ITGA10: variants seen among roughly 807,000 people sequenced by gnomAD.
ITGA10 encodes the protein integrin alpha-10.
ITGA10 carries 105 observed loss-of-function variants against 145.2 expected under a neutral mutation model. The observed-to-expected ratio is 0.72, with a 90% CI of 0.62 to 0.85. ITGA10 has a LOEUF of 0.85. ITGA10 is among the 40% of genes least tolerant of loss of function. The pLI is 0.00. For synonymous variants in ITGA10, 506 were observed against 557.8 expected (o/e 0.91, Z 1.31); for missense variants, 1,317 against 1,444.5 (o/e 0.91, Z 1.43).
At chr1:145,909,491 AATATATAATT>A (rs1266916395) in intron 1 of ITGA10, among the ~76,000 whole-genome samples, 2 of 132,672 alleles carry the variant, frequency 1.5e-5, no homozygotes, top group African/African-American at 6.1e-5. Flanking sequence ...TATTATATAT[AATATATAATT>A]ATGTTATATA....
chr1:145,904,644 C>T (rs1553750461), intron 6 of ITGA10, 40 bp downstream of exon 6: 5 of 1,609,766 alleles, frequency 3.1e-6, no homozygotes, highest in African/African-American at 2.7e-5. Flanking sequence ...TAAGTAGGTG[C>T]CACAAGCAAC....
intron 2 of ITGA10, 32 bp from the exon 3 acceptor site, chr1:145,907,182 A>T: frequency 6.4e-7 from 1 of 1,559,634 alleles, no homozygotes; most frequent in Non-Finnish European, 8.7e-7. Context: ...AAGTAAGCAC[A>T]GGGCAAACAT....
chr1:145,901,653 A>T lies in ITGA10; in HGVS notation c.1306T>A (p.Ser436Thr). 2.5e-6 allele frequency: 4 copies of T among 1,573,390 alleles called. No homozygotes were observed. The highest frequency in any genetic ancestry group is 3.4e-6 in the Non-Finnish European group (4 of 1,162,142). ...NHAAYLGYSV[S>T]SMLLRGGRRL... Reference sequence around the variant, plus strand: ...CGTCCACCCCGCAAAAGCATGGAAGAAACAGAGTAACCTAGAAGTGGGCAA... The same window carrying T: ...CGTCCACCCCGCAAAAGCATGGAAGTAACAGAGTAACCTAGAAGTGGGCAA... Residue 436 changes from serine to threonine, a missense_variant, in exon 12 of 30, where the codon TCT becomes ACT. Transcript: ENST00000369304. The surrounding 1 kb of genome is among the most constrained non-coding windows in gnomAD (Gnocchi z 4.3).
In ITGA10 at chr1:145,895,686, G is replaced by A. The variant is rs1655287904; in HGVS notation, c.3059C>T (p.Thr1020Ile). The part of the protein sequence containing the change: ...NNASCIVQNL[T>I]EPPGPPVHPE... ...ATGCACAGGTGGGCCTGGGGGTTCA[G>A]TCAGGTTCTGCACTATGCAGCTTGC... Residue 1020 changes from threonine to isoleucine, a missense_variant, in exon 26 of 30, where the codon ACT (threonine) becomes ATT (isoleucine). Transcript: ENST00000369304. 6.2e-7 allele frequency: 1 copy of A among 1,614,254 alleles called. No homozygotes were observed. Among genetic ancestry groups the A allele is most frequent in the African/African-American group, 1.3e-5 (1 of 75,052 alleles).
At chr1:145,903,637 C>CTCT (rs1310797496) in intron 7 of ITGA10, among the ~76,000 whole-genome samples, 1 of 151,628 alleles carries the variant, frequency 6.6e-6, no homozygotes, top group Non-Finnish European at 1.5e-5. Flanking sequence ...CCTGCCCTAA[C>CTCT]TCTTCTTCTT....
At chr1:145,898,827 AT>A in intron 17 of ITGA10, 108 bp downstream of exon 17, 1 of 1,347,248 alleles carries the variant, frequency 7.4e-7, no homozygotes, top group South Asian at 1.4e-5. Context: ...GAATCATCTC[AT>A]TTTCCCGGCT....
In ITGA10 at chr1:145,901,747, G is replaced by T. The variant is rs587769106; in HGVS notation, c.1295-83C>A. 6.5e-7 allele frequency: 1 copy of T among 1,538,114 alleles called. No homozygotes were observed. Among genetic ancestry groups the T allele is most frequent in the Admixed American group, 1.9e-5 (1 of 52,720 alleles). On this transcript the variant is annotated intron_variant, in intron 11 of 29. Coordinates refer to ENST00000369304, the MANE Select transcript of ITGA10 (RefSeq NM_003637.5). This position sits in a 1 kb window ranked among gnomAD's most constrained non-coding sequence, Gnocchi z 4.3. ...GGGTTCCCTAAAGGCATAGCAGGAG[G>T]TCCCAAGGGAAGTAACCAGAGGTCA...
In ITGA10 at chr1:145,902,975, G is replaced by GAAT; in HGVS notation, c.759-15_759-14insATT. 1 of 1,552,472 alleles carries GAAT rather than the reference G, an allele frequency of 6.4e-7. No individual in the cohort carries two copies. ...AACCCTTCTGTGCTGAGAAGAGAAA[G>GAAT]GAGTGAGGTGAGATCAGATGTATGC... On this transcript the variant is annotated splice_polypyrimidine_tract_variant and intron_variant, in intron 7 of 29. Transcript: ENST00000369304.
At position 145,892,660 on chromosome 1, in the gene ITGA10, A is replaced by G. The variant is rs1401991409; in HGVS notation, c.*138T>C. The G allele has an allele frequency of 1.5e-5, 10 of 662,838 alleles. No homozygotes were observed. Among genetic ancestry groups the G allele is most frequent in the Non-Finnish European group, 2.4e-5 (9 of 374,718 alleles). 41.1% of individuals were successfully genotyped at this position (662,838 alleles called of 1,614,324 possible). ...TAGCCAGCAGCATCCCTAGGACTCA[A>G]AAGTCAAGTCAGGCTGCTGGTCTGG... On this transcript the variant is annotated 3_prime_UTR_variant, in exon 30 of 30. Coordinates refer to ENST00000369304, the MANE Select transcript of ITGA10 (RefSeq NM_003637.5).
In ITGA10 at chr1:145,907,075, C is replaced by A. The variant is rs1264451518; in HGVS notation, c.240G>T (p.Gly80=). The A allele has an allele frequency of 9.6e-6, 15 of 1,562,196 alleles. No individual in the cohort carries two copies. The highest frequency in any genetic ancestry group is 7.1e-5 in the East Asian group (3 of 42,288). Residue 80 remains glycine (G), a synonymous_variant, in exon 3 of 30, where the codon GGG becomes GGT. Coordinates refer to ENST00000369304, the MANE Select transcript of ITGA10 (RefSeq NM_003637.5). The part of the protein sequence containing the change: ...RGDVYRCPVG[G]AHNAPCAKGH... ...CCTTGGCACATGGGGCATTGTGGGC[C>A]CCCCCTACAGGGCAGCGATAAACGT... is the stretch of plus-strand genomic sequence containing the variant.
At chr1:145,895,917 G>T in intron 25 of ITGA10, 66 bp downstream of exon 25, 1 of 1,266,760 alleles carries the variant, frequency 7.9e-7, no homozygotes, top group Non-Finnish European at 1.1e-6. Context: ...CTGGTGTGGT[G>T]TCCAGCTTCA....
intron 7 of ITGA10, among the ~76,000 whole-genome samples, chr1:145,903,505 T>C (rs587663003): frequency 2.0e-5 from 3 of 152,252 alleles, no homozygotes; most frequent in Admixed American, 6.5e-5. Context: ...ACATAGATAC[T>C]TTGTAGAAAT....
At chr1:145,904,602 T>C in intron 6 of ITGA10, 82 bp downstream of exon 6, 4 of 1,485,696 alleles carry the variant, frequency 2.7e-6, no homozygotes, top group Non-Finnish European at 3.7e-6. Flanking sequence ...CTTGAACTCC[T>C]GGCCTCAGGG....
intron 27 of ITGA10, among the ~76,000 whole-genome samples, chr1:145,894,061 C>A: frequency 6.7e-6 from 1 of 149,476 alleles, no homozygotes; most frequent in South Asian, 2.2e-4. Context: ...GCCTTACTAA[C>A]CTTTGTGTCC....
In ITGA10 at chr1:145,897,849, C is replaced by T. The variant is rs1259225270; in HGVS notation, c.2398G>A (p.Val800Met). The change falls in exon 19 of 30, where the codon GTG becomes ATG. Residue 800 changes from valine (V) to methionine (M), a missense_variant. Val to Met is a conservative substitution (Grantham distance 21). Coordinates refer to ENST00000369304, the MANE Select transcript of ITGA10 (RefSeq NM_003637.5). Reference protein sequence around the residue: ...GPDNECVTDLVLQVNMDIRGS... With the variant: ...GPDNECVTDLMLQVNMDIRGS... ...CTGATGTCCATATTCACTTGAAGCA[C>T]CAGGTCTGTGACACATTCATTGTCA... 1 of 1,614,018 alleles carries T rather than the reference C, an allele frequency of 6.2e-7. No homozygotes were observed. The highest frequency in any genetic ancestry group is 2.2e-5 in the East Asian group (1 of 44,898).
intron 5 of ITGA10, 31 bp downstream of exon 5, chr1:145,906,363 G>C (rs782680726): frequency 2.5e-5 from 38 of 1,550,396 alleles, no homozygotes; most frequent in Non-Finnish European, 3.2e-5. Flanking sequence ...CTCCTTCTGG[G>C]AACCAAGTAC....
At chr1:145,903,696 T>C (rs908058039) in intron 7 of ITGA10, among the ~76,000 whole-genome samples, 9 of 151,972 alleles carry the variant, frequency 5.9e-5, no homozygotes, top group African/African-American at 2.2e-4. Flanking sequence ...TTTTATTTTA[T>C]TTTATTTTAG....
intron 23 of ITGA10, among the ~76,000 whole-genome samples, 180 bp from the exon 24 acceptor site, chr1:145,896,532 C>T (rs987095478): frequency 3.3e-5 from 5 of 152,206 alleles, no homozygotes; most frequent in African/African-American, 9.7e-5. Context: ...TTTATGGCTA[C>T]ATCCCATATC....
chr1:145,902,649 C>T, intron 8 of ITGA10, 30 bp from the exon 9 acceptor site: 1 of 1,575,860 alleles, frequency 6.3e-7, no homozygotes, highest in Non-Finnish European at 8.6e-7. Flanking sequence ...AGGAATGAGG[C>T]ATTAGAGTTG....
Sources: gnomAD v4.1 joint callset for allele counts (sites outside exome capture counted in the v4.1 genomes callset) on GRCh38, gnomAD v4.1.1 for gene constraint, Gnocchi (gnomAD v3.1) non-coding constraint, MANE v1.5 for transcripts, NCBI Gene and HGNC (gene_info 2026-07-23, HGNC 2026-07-21) for gene names.